The following SNX29 variants were observed in gnomAD, a reference collection of about 807,000 sequenced individuals.
The protein encoded by SNX29 is sorting nexin 29, also known as sorting nexin-29.
A neutral mutation model predicts 102.1 loss-of-function variants in SNX29; 78 were observed. The ratio of observed to expected loss-of-function variants is 0.76; its 90% CI spans 0.64 to 0.92. The LOEUF (loss-of-function observed/expected upper bound fraction) is 0.92, where lower values mean the gene tolerates loss of function less well. SNX29 is among the 40% of genes least tolerant of loss of function. The probability of loss-of-function intolerance (pLI) is 0.00; values close to 1 mark genes in which losing one functional copy is unlikely to be tolerated. For missense variants in SNX29, 1,280 were observed against 1,061.7 expected, an observed-to-expected ratio of 1.21 and a Z score of -2.86; for synonymous variants, 580 against 414.5, an observed-to-expected ratio of 1.40 and a Z score of -4.85.
At chr16:12,301,612 C>T (rs949555834) in intron 15 of SNX29, among the ~76,000 whole-genome samples, 3 of 152,208 alleles carry the variant, frequency 2.0e-5, no homozygotes, top group South Asian at 2.1e-4. Flanking sequence ...CCAGTCTTCT[C>T]GATTACGTCG....
rs189403883 is a variant in SNX29 at position 12,568,714 on chromosome 16, G to T, written c.*85G>T. ...ACTGCCGCTGGCCCCTCACCTCAGC[G>T]TGACAACCACGTCCACCTGGTGATC... On this transcript the variant is annotated 3_prime_UTR_variant, in exon 21 of 21. Coordinates refer to ENST00000566228, the MANE Select transcript of SNX29 (RefSeq NM_032167.5). 4.5e-6 allele frequency: 7 copies of T among 1,539,940 alleles called. No homozygotes were observed. In the South Asian group the frequency reaches 5.9e-5, roughly 13 times the overall value.
At chr16:12,025,186 C>T (rs1567539411) in intron 3 of SNX29, among the ~76,000 whole-genome samples, 2 of 151,096 alleles carry the variant, frequency 1.3e-5, no homozygotes, top group Non-Finnish European at 1.5e-5. Context: ...CCTGTATTCC[C>T]AGCTACATGG....
intron 20 of SNX29, among the ~76,000 whole-genome samples, chr16:12,529,926 C>T (rs1597762270): frequency 6.6e-6 from 1 of 152,188 alleles, no homozygotes; most frequent in East Asian, 1.9e-4. Context: ...CCAAAGTCCT[C>T]AGCGTTACCC....
intron 19 of SNX29, among the ~76,000 whole-genome samples, chr16:12,503,302 C>T (rs1483084890): frequency 1.3e-5 from 2 of 152,144 alleles, no homozygotes. Flanking sequence ...GAGAGAATAA[C>T]ATAGCTCGTG....
chr16:12,545,667 T>G (rs2077563755), intron 20 of SNX29: 1 of 152,236 alleles, frequency 6.6e-6, no homozygotes. Flanking sequence ...CTTCCCAGCT[T>G]CTAGGCTCCA....
intron 14 of SNX29, among the ~76,000 whole-genome samples, chr16:12,245,221 A>G (rs1446587274): frequency 6.6e-6 from 1 of 152,128 alleles, no homozygotes; most frequent in South Asian, 2.1e-4. Context: ...ATTGCTCCCT[A>G]TGAGCTGTGT....
chr16:12,053,159 G>A (rs561875498), intron 8 of SNX29: 6 of 151,982 alleles, frequency 3.9e-5, no homozygotes, highest in Non-Finnish European at 7.3e-5. Flanking sequence ...GCCAGGCATG[G>A]TGGTGCATGC....
At chr16:12,161,988 C>T (rs1026593632) in intron 13 of SNX29, among the ~76,000 whole-genome samples, 1 of 152,174 alleles carries the variant, frequency 6.6e-6, no homozygotes, top group African/African-American at 2.4e-5. Context: ...CCACAATTGT[C>T]GGCCCCCGAA....
At position 12,156,439 on chromosome 16, in the gene SNX29, G is replaced by A. The variant is rs953886068; in HGVS notation, c.1595+26681G>A. ...GCCCACCTCAGCCTCCCAAAGTACT[G>A]GGATTACAGGCGTGAGCCTTGTTGG... On this transcript the variant is annotated intron_variant, in intron 13 of 20. Coordinates refer to ENST00000566228, the MANE Select transcript of SNX29 (RefSeq NM_032167.5). Among the ~76,000 whole-genome samples, 3 of 152,330 alleles carry A rather than the reference G, an allele frequency of 2.0e-5. No individual in the cohort carries two copies. In the East Asian group the frequency reaches 5.8e-4, roughly 29 times the overall value.
chr16:12,070,280 A>C (rs956954937), intron 10 of SNX29, among the ~76,000 whole-genome samples: 42 of 147,456 alleles, frequency 2.8e-4, no homozygotes, highest in African/African-American at 1.0e-3. Context: ...GCACCCATTA[A>C]CTCGTCATTT....
At chr16:12,317,451 C>T (rs1028196617) in intron 15 of SNX29, among the ~76,000 whole-genome samples, 4 of 152,202 alleles carry the variant, frequency 2.6e-5, no homozygotes, top group Admixed American at 6.5e-5. Flanking sequence ...GTTTGGGCAG[C>T]TGGGCCCCAC....
At chr16:12,530,401 AAAG>A (rs1269564393) in intron 20 of SNX29, among the ~76,000 whole-genome samples, 2 of 152,132 alleles carry the variant, frequency 1.3e-5, no homozygotes, top group South Asian at 2.1e-4. Context: ...AACACTACAG[AAAG>A]AAGATGAGGA....
intron 19 of SNX29, among the ~76,000 whole-genome samples, chr16:12,511,908 G>A (rs188601476): frequency 4.8e-4 from 73 of 152,116 alleles, no homozygotes; most frequent in South Asian, 2.1e-3. Context: ...ACTGGACGGC[G>A]TTGGGCAGGG....
chr16:12,132,163 A>G (rs570039498), intron 13 of SNX29, among the ~76,000 whole-genome samples: 24 of 149,592 alleles, frequency 1.6e-4, no homozygotes, highest in Admixed American at 6.7e-4. Flanking sequence ...CAGTGGCATG[A>G]TCTCGGCTCA....
intron 20 of SNX29, among the ~76,000 whole-genome samples, chr16:12,550,250 A>G (rs775508201): frequency 2.0e-5 from 3 of 152,146 alleles, no homozygotes; most frequent in Non-Finnish European, 4.4e-5. Context: ...GAAATAGCAA[A>G]TATGGGCCAG....
At chr16:12,065,211 A>T (rs147292078) in intron 9 of SNX29, among the ~76,000 whole-genome samples, 3 of 152,322 alleles carry the variant, frequency 2.0e-5, no homozygotes, top group South Asian at 4.1e-4. Flanking sequence ...AGGTTGCAAG[A>T]GGAGACCCCA....
At chr16:12,559,705 C>G (rs7201565) in intron 20 of SNX29, among the ~76,000 whole-genome samples, 29,711 of 152,050 alleles carry the variant, frequency 0.2, 3,084 homozygotes, top group East Asian at 0.43. Context: ...CTTCCCATCT[C>G]CCATGGTGAG....
chr16:12,003,524 A>G (rs1426276529), intron 3 of SNX29, among the ~76,000 whole-genome samples: 1 of 152,200 alleles, frequency 6.6e-6, no homozygotes, highest in Non-Finnish European at 1.5e-5. Context: ...GGCATATGTT[A>G]TAACAAGAGC....
chr16:12,261,547 A>C (rs1464882455), intron 14 of SNX29, among the ~76,000 whole-genome samples: 1 of 70,932 alleles, frequency 1.4e-5, no homozygotes. Flanking sequence ...CGGCTGGAGT[A>C]AGTGTTTGCT....
Sources: allele counts gnomAD v4.1 joint callset (sites outside exome capture counted in the v4.1 genomes callset), GRCh38; gene constraint gnomAD v4.1.1; transcripts MANE v1.5; gene names NCBI Gene and HGNC (gene_info 2026-07-23, HGNC 2026-07-21).